The following XPR1 variants were observed in gnomAD, a reference collection of about 807,000 sequenced individuals.
The protein encoded by XPR1 is solute carrier family 53 member 1.
Under a neutral mutation model 87.5 loss-of-function variants are expected in XPR1, and 28 were observed. The observed-to-expected ratio is 0.32, with a 90% CI of 0.24 to 0.44. The LOEUF (loss-of-function observed/expected upper bound fraction) is 0.44, where lower values mean the gene tolerates loss of function less well. Among genes scored for constraint, XPR1 ranks in the 20% least tolerant of loss-of-function variants. The pLI, the probability that XPR1 is intolerant of heterozygous loss-of-function variation, is 1.00. For missense variants in XPR1, 559 were observed against 862.3 expected, an observed-to-expected ratio of 0.65 and a Z score of 4.41; for synonymous variants, 300 against 306.1, an observed-to-expected ratio of 0.98 and a Z score of 0.21.
intron 1 of XPR1, among the ~76,000 whole-genome samples, chr1:180,670,406 A>G (rs1189115254): frequency 6.6e-6 from 1 of 152,100 alleles, no homozygotes; most frequent in African/African-American, 2.4e-5. Context: ...TGTGGTTACC[A>G]TGAGGAGTAC....
intron 11 of XPR1, among the ~76,000 whole-genome samples, chr1:180,839,686 G>C (rs1402755306): frequency 2.6e-5 from 4 of 152,168 alleles, no homozygotes; most frequent in Non-Finnish European, 4.4e-5. Context: ...TCATAGAAAG[G>C]AAGACCCAAA....
intron 1 of XPR1, among the ~76,000 whole-genome samples, chr1:180,660,123 A>G (rs1486477966): frequency 6.6e-6 from 1 of 151,888 alleles, no homozygotes; most frequent in African/African-American, 2.4e-5. Context: ...GAATTTATCC[A>G]TTTTCTCTAG....
At chr1:180,682,334 A>G (rs772375484) in intron 1 of XPR1, 26 bp from the exon 2 acceptor site, 23 of 1,559,284 alleles carry the variant, frequency 1.5e-5, no homozygotes, top group Non-Finnish European at 1.8e-5. Context: ...ATGATTTCAT[A>G]TATTGTTTTT....
chr1:180,774,962 G>A (rs1283254481), intron 2 of XPR1, among the ~76,000 whole-genome samples: 2 of 152,170 alleles, frequency 1.3e-5, no homozygotes. Context: ...GTCCTCTGGA[G>A]GGGTCCAACA....
chr1:180,753,945 C>G (rs764970737), intron 2 of XPR1, among the ~76,000 whole-genome samples: 1 of 152,158 alleles, frequency 6.6e-6, no homozygotes, highest in Non-Finnish European at 1.5e-5. Context: ...TTCTTTAGAG[C>G]CTTTATATTT....
intron 8 of XPR1, 62 bp downstream of exon 8, chr1:180,825,005 G>A (rs1650775433): frequency 6.5e-7 from 1 of 1,545,670 alleles, no homozygotes; most frequent in Admixed American, 2.0e-5. Context: ...TAGCTATCTG[G>A]TTTAGTGGGT....
intron 2 of XPR1, among the ~76,000 whole-genome samples, chr1:180,728,776 C>T (rs557718243): frequency 6.6e-6 from 1 of 152,326 alleles, no homozygotes; most frequent in Non-Finnish European, 1.5e-5. Flanking sequence ...TCAGACTTCA[C>T]ATTGTTTCCC....
At position 180,849,900 on chromosome 1, in the gene XPR1, A is replaced by G. The variant is rs1307687952; in HGVS notation, c.1501+13184A>G. Among the ~76,000 whole-genome samples the G allele has an allele frequency of 2.6e-5, 4 of 152,244 alleles. No individual in the cohort carries two copies. In the East Asian group the frequency reaches 7.7e-4, roughly 29 times the overall value. ...TACAGGTACATGCGTGCGCACACCC[A>G]CAAAGCACATCAAGAAAGGGGACCC... On this transcript the variant is annotated intron_variant, in intron 11 of 14. Coordinates refer to ENST00000367590, the MANE Select transcript of XPR1 (RefSeq NM_004736.4).
At chr1:180,810,809 G>GTA (rs910916074) in intron 6 of XPR1, among the ~76,000 whole-genome samples, 3 of 149,954 alleles carry the variant, frequency 2.0e-5, no homozygotes, top group Non-Finnish European at 3.0e-5. Context: ...GTATATATGT[G>GTA]TATATATATG....
chr1:180,802,544 C>T (rs1412403207), intron 3 of XPR1, among the ~76,000 whole-genome samples: 1 of 152,134 alleles, frequency 6.6e-6, no homozygotes, highest in Admixed American at 6.5e-5. Context: ...TATTTCTATA[C>T]CATAAAATTT....
At chr1:180,651,121 T>C (rs1285672658) in intron 1 of XPR1, among the ~76,000 whole-genome samples, 1 of 152,110 alleles carries the variant, frequency 6.6e-6, no homozygotes, top group Non-Finnish European at 1.5e-5. Context: ...TTTTTTTTTT[T>C]TGAGACCGAG....
intron 14 of XPR1, among the ~76,000 whole-genome samples, chr1:180,880,617 T>C (rs1308268674): frequency 1.3e-5 from 2 of 152,232 alleles, no homozygotes; most frequent in Admixed American, 6.5e-5. Flanking sequence ...ATAATTTTTA[T>C]GTTATAAACT....
chr1:180,779,951 CTCTT>C (rs1468181922), intron 2 of XPR1, among the ~76,000 whole-genome samples: 2 of 152,138 alleles, frequency 1.3e-5, no homozygotes, highest in African/African-American at 4.8e-5. Flanking sequence ...TCTGGCTTCT[CTCTT>C]AGCATAATAT....
At chr1:180,721,146 C>T (rs564092613) in intron 2 of XPR1, among the ~76,000 whole-genome samples, 20 of 151,070 alleles carry the variant, frequency 1.3e-4, no homozygotes, top group Non-Finnish European at 1.9e-4. Flanking sequence ...GCTTGAACCC[C>T]GGAGGCAGAG....
chr1:180,739,332 AAAATTTTATGG>A (rs1391481381), intron 2 of XPR1, among the ~76,000 whole-genome samples: 4 of 152,146 alleles, frequency 2.6e-5, no homozygotes, highest in Non-Finnish European at 4.4e-5. Context: ...TTGTTTTTCA[AAAATTTTATGG>A]CTATTTTCAT....
Position 180,746,946 on chromosome 1 carries a change from A to G in XPR1, c.122-40807A>G, listed in dbSNP as rs1189165389. Among the ~76,000 whole-genome samples the G allele has an allele frequency of 3.3e-5, 5 of 152,236 alleles. No homozygotes were observed. In the East Asian group the frequency reaches 9.6e-4, roughly 29 times the overall value. ...ACCTACCTGGCTTTAAAATATATTT[A>G]TTTTGTACAGCACCATTAAAATCCT... On this transcript the variant is annotated intron_variant, in intron 2 of 14. Coordinates refer to ENST00000367590, the MANE Select transcript of XPR1 (RefSeq NM_004736.4).
At chr1:180,670,236 T>G (rs1656122168) in intron 1 of XPR1, among the ~76,000 whole-genome samples, 1 of 152,206 alleles carries the variant, frequency 6.6e-6, no homozygotes, top group African/African-American at 2.4e-5. Context: ...TCTAAAGTAA[T>G]TACTGATACA....
In XPR1 at chr1:180,811,391, A is replaced by G. The variant is rs764524010; in HGVS notation, c.682-16A>G. On this transcript the variant is annotated splice_polypyrimidine_tract_variant and intron_variant, in intron 6 of 14. Coordinates refer to ENST00000367590, the MANE Select transcript of XPR1 (RefSeq NM_004736.4). ...GTGTTTTGTCCTGTACTCAAATACTATTTTTCTGTCCACAGCCTGCACCAG... is the reference window on the plus strand; with the variant it reads ...GTGTTTTGTCCTGTACTCAAATACTGTTTTTCTGTCCACAGCCTGCACCAG... The G allele has an allele frequency of 1.9e-5, 30 of 1,608,788 alleles. No homozygotes were observed. The highest frequency in any genetic ancestry group is 1.1e-4 in the African/African-American group (8 of 74,744).
intron 12 of XPR1, among the ~76,000 whole-genome samples, chr1:180,866,525 A>G (rs1652396645): frequency 7.5e-6 from 1 of 133,194 alleles, no homozygotes; most frequent in Non-Finnish European, 1.7e-5. Context: ...TGGTGACACC[A>G]GTTTCCACAT....
Sources: gnomAD v4.1 joint callset for allele counts (sites outside exome capture counted in the v4.1 genomes callset) on GRCh38, gnomAD v4.1.1 for gene constraint, MANE v1.5 for transcripts, NCBI Gene and HGNC (gene_info 2026-07-23, HGNC 2026-07-21) for gene names.